PSMD7: variants seen among roughly 807,000 people sequenced by gnomAD.
PSMD7 encodes 26S proteasome non-ATPase regulatory subunit 7.
Under a neutral mutation model 36.4 loss-of-function variants are expected in PSMD7, and 13 were observed. That is an observed-to-expected ratio of 0.36 (90% CI 0.23 to 0.57). The LOEUF is 0.57. Ranked by LOEUF, PSMD7 falls within the 20% of genes least tolerant of loss-of-function variation. The pLI, the probability that PSMD7 is intolerant of heterozygous loss-of-function variation, is 0.83. For missense variants in PSMD7, 298 were observed against 393.6 expected (o/e 0.76, Z 2.06); for synonymous variants, 186 against 151.0 (o/e 1.23, Z -1.70).
intron 3 of PSMD7, among the ~76,000 whole-genome samples, chr16:74,301,351 G>T (rs180758078): frequency 6.6e-6 from 1 of 152,264 alleles, no homozygotes; most frequent in Admixed American, 6.5e-5. Flanking sequence ...GGTACAAGGG[G>T]AAATAACCTC....
intron 5 of PSMD7, among the ~76,000 whole-genome samples, chr16:74,303,091 G>A (rs1000912779): frequency 6.6e-6 from 1 of 152,188 alleles, no homozygotes; most frequent in Non-Finnish European, 1.5e-5. Flanking sequence ...AGTGAAGCAA[G>A]GTGTTTTTAG....
At chr16:74,299,979 C>A in intron 1 of PSMD7, 136 bp from the exon 2 acceptor site, 1 of 755,140 alleles carries the variant, frequency 1.3e-6, no homozygotes, top group Non-Finnish European at 2.3e-6. Context: ...AACCCTATTA[C>A]ATTGGTTTAG....
intron 1 of PSMD7, chr16:74,299,671 G>C: frequency 2.4e-6 from 1 of 411,710 alleles, no homozygotes; most frequent in Middle Eastern, 6.8e-4. Flanking sequence ...TGGGATTACA[G>C]GCATGAGCCA....
chr16:74,304,492 G>T (rs934186991), intron 6 of PSMD7, 98 bp downstream of exon 6: 7 of 991,190 alleles, frequency 7.1e-6, no homozygotes, highest in African/African-American at 1.6e-5. Flanking sequence ...CTGGGGTCTC[G>T]TCCTGGCCGT....
intron 6 of PSMD7, chr16:74,304,659 A>C: frequency 9.2e-6 from 3 of 326,944 alleles, no homozygotes; most frequent in East Asian, 6.0e-5. Flanking sequence ...GGAAACTATA[A>C]TGTTGACTGA....
chr16:74,301,253 C>A, intron 3 of PSMD7, 109 bp downstream of exon 3: 1 of 725,982 alleles, frequency 1.4e-6, no homozygotes, highest in Non-Finnish European at 2.3e-6. Context: ...AGCTACACTT[C>A]AGTAAGACTA....
At chr16:74,301,404 C>G (rs1804237628) in intron 3 of PSMD7, 151 bp from the exon 4 acceptor site, 1 of 640,706 alleles carries the variant, frequency 1.6e-6, no homozygotes, top group Non-Finnish European at 2.7e-6. Context: ...TAAAGTCAGT[C>G]TTCCATTAGA....
At chr16:74,298,501 T>TA (rs1381193495) in intron 1 of PSMD7, among the ~76,000 whole-genome samples, 1 of 152,194 alleles carries the variant, frequency 6.6e-6, no homozygotes, top group Non-Finnish European at 1.5e-5. Flanking sequence ...GGAGAGGAAT[T>TA]ACTATTTTTC....
Position 74,305,964 on chromosome 16 carries a change from C to A in PSMD7, c.*231C>A, listed in dbSNP as rs1418832655. The A allele has an allele frequency of 5.4e-6, 2 of 369,068 alleles. No homozygotes were observed. Among genetic ancestry groups the A allele is most frequent in the East Asian group, 8.1e-5 (2 of 24,698 alleles). The allele number at this position is 369,068 out of a possible 1,614,324, so 22.9% of individuals were successfully genotyped here. A position where few individuals can be genotyped will look rare whatever the true frequency, so the allele number is the denominator to read the frequency against. On this transcript the variant is annotated 3_prime_UTR_variant, in exon 7 of 7. Coordinates refer to ENST00000219313, the MANE Select transcript of PSMD7 (RefSeq NM_002811.5). ...TGAGTTGGGGATATGATAGTCAGCT[C>A]AGGCTTCAGATTGTATGAGAAAAAT...
rs1364909733 is a variant in PSMD7, at chr16:74,296,858, TGC to T, written c.-56_-55del. 19 of 1,585,338 alleles carry T rather than the reference TGC, an allele frequency of 1.2e-5. No individual in the cohort carries two copies. The African/African-American group carries it at 2.6e-4, about 21-fold the overall frequency. On this transcript the variant is annotated 5_prime_UTR_variant, in exon 1 of 7. Transcript: ENST00000219313. ...CTGAAAGGGTACCGGTGACCGCTACTGCTGCCGGTGTTTGCGTGTGGCAGGGA... is the reference window on the plus strand; with the variant it reads ...CTGAAAGGGTACCGGTGACCGCTACTTGCCGGTGTTTGCGTGTGGCAGGGA...
At chr16:74,297,952 C>T (rs1471159664) in intron 1 of PSMD7, among the ~76,000 whole-genome samples, 2 of 151,690 alleles carry the variant, frequency 1.3e-5, no homozygotes, top group African/African-American at 4.8e-5. Flanking sequence ...TGATTAGACT[C>T]CGTCTCAAAA....
At position 74,305,708 on chromosome 16, in the gene PSMD7, AAG is replaced by A; in HGVS notation, c.953_954del (p.Glu318GlyfsTer18). On this transcript the variant is annotated frameshift_variant, in exon 7 of 7. Coordinates refer to ENST00000219313, the MANE Select transcript of PSMD7 (RefSeq NM_002811.5). LOFTEE classifies it high-confidence loss of function. ...GATAAGGAAAAGAGTGATGTAAAGA[AAG>A]AGGAGAAAAAGGAGAAAAAGTAAAA... 1 of 1,451,824 alleles carries A rather than the reference AAG, an allele frequency of 6.9e-7. No individual in the cohort carries two copies. The highest frequency in any genetic ancestry group is 9.1e-7 in the Non-Finnish European group (1 of 1,096,814). 89.9% of individuals were successfully genotyped at this position (1,451,824 alleles called of 1,614,324 possible). A position where few individuals can be genotyped will look rare whatever the true frequency, so the allele number is the denominator to read the frequency against.
chr16:74,301,709 G>A lies in PSMD7; in HGVS notation c.357+57G>A. On this transcript the variant is annotated intron_variant, in intron 4 of 6. Transcript: ENST00000219313. Reference sequence around the variant, plus strand: ...TGATTTTTTTTGCCAGCCAGCTCAAGTAAGAGCATCCTGGGAAGAATTTGA... The same window carrying A: ...TGATTTTTTTTGCCAGCCAGCTCAAATAAGAGCATCCTGGGAAGAATTTGA... The A allele has an allele frequency of 4.3e-6, 6 of 1,393,220 alleles. No homozygotes were observed. The South Asian group carries it at 7.0e-5, about 16-fold the overall frequency. 86.3% of individuals were successfully genotyped at this position (1,393,220 alleles called of 1,614,324 possible).
At position 74,301,785 on chromosome 16, in the gene PSMD7, G is replaced by A. The variant is rs140641866; in HGVS notation, c.357+133G>A. 5.9e-5 allele frequency: 41 copies of A among 699,890 alleles called. No homozygotes were observed. In the African/African-American group the frequency reaches 6.4e-4, roughly 11 times the overall value. The allele number at this position is 699,890 out of a possible 1,614,324, so 43.4% of individuals were successfully genotyped here. A position where few individuals can be genotyped will look rare whatever the true frequency, so the allele number is the denominator to read the frequency against. ...CTCCATAAACTTCTGTTGATTTGTAGTGCTCTGTGAAGTATACTGTGACCT... is the reference window on the plus strand; with the variant it reads ...CTCCATAAACTTCTGTTGATTTGTAATGCTCTGTGAAGTATACTGTGACCT... On this transcript the variant is annotated intron_variant, in intron 4 of 6. Transcript: ENST00000219313.
At chr16:74,303,107 G>T (rs970726705) in intron 5 of PSMD7, among the ~76,000 whole-genome samples, 5 of 152,196 alleles carry the variant, frequency 3.3e-5, no homozygotes, top group African/African-American at 1.2e-4. Context: ...TTTAGTAGGG[G>T]ATAAAGGGGA....
chr16:74,300,717 A>T (rs1044269803), intron 2 of PSMD7, among the ~76,000 whole-genome samples: 13 of 152,326 alleles, frequency 8.5e-5, no homozygotes, highest in Middle Eastern at 3.4e-3. Flanking sequence ...GTCTAAAATG[A>T]CCAGCTAGTC....
In PSMD7 at chr16:74,305,689, G is replaced by C; in HGVS notation, c.931G>C (p.Glu311Gln). The C allele has an allele frequency of 1.3e-6, 2 of 1,487,702 alleles. No individual in the cohort carries two copies. Among genetic ancestry groups the C allele is most frequent in the Non-Finnish European group, 1.8e-6 (2 of 1,115,840 alleles). 92.2% of individuals were successfully genotyped at this position (1,487,702 alleles called of 1,614,324 possible). ...GGACAAGGAGAAAGATAAAGATAAG[G>C]AAAAGAGTGATGTAAAGAAAGAGGA... ...KEDKEKDKDK[E>Q]KSDVKKEEKK... The change falls in exon 7 of 7, where the codon GAA becomes CAA. Residue 311 changes from glutamate (E) to glutamine (Q), a missense_variant. By Grantham distance (29) the Glu-to-Gln change is conservative. Coordinates refer to ENST00000219313, the MANE Select transcript of PSMD7 (RefSeq NM_002811.5).
At chr16:74,298,949 C>G (rs540536028) in intron 1 of PSMD7, among the ~76,000 whole-genome samples, 1 of 152,216 alleles carries the variant, frequency 6.6e-6, no homozygotes, top group South Asian at 2.1e-4. Context: ...CTTTGGTAGA[C>G]CAAAACAAAA....
chr16:74,296,862 G>T lies in PSMD7; in HGVS notation c.-53G>T. 1 of 1,592,122 alleles carries T rather than the reference G, an allele frequency of 6.3e-7. No individual in the cohort carries two copies. The highest frequency in any genetic ancestry group is 1.3e-5 in the African/African-American group (1 of 74,708). On this transcript the variant is annotated 5_prime_UTR_variant, in exon 1 of 7. Transcript: ENST00000219313. ...AAGGGTACCGGTGACCGCTACTGCT[G>T]CCGGTGTTTGCGTGTGGCAGGGAGC...
Sources: allele counts gnomAD v4.1 joint callset (sites outside exome capture counted in the v4.1 genomes callset), GRCh38; gene constraint gnomAD v4.1.1; transcripts MANE v1.5; gene names NCBI Gene and HGNC (gene_info 2026-07-23, HGNC 2026-07-21).